TGIF1: variants seen among roughly 807,000 people sequenced by gnomAD.
The protein encoded by TGIF1 is TGFB induced factor homeobox 1.
TGIF1 carries 4 observed loss-of-function variants against 19.3 expected under a neutral mutation model. The observed-to-expected ratio is 0.21, with a 90% CI of 0.10 to 0.47. TGIF1 has a LOEUF of 0.47. Among genes scored for constraint, TGIF1 ranks in the 20% least tolerant of loss-of-function variants. The pLI, the probability that TGIF1 is intolerant of heterozygous loss-of-function variation, is 0.98. For missense variants in TGIF1, 275 were observed against 341.4 expected (o/e 0.81, Z 1.53); for synonymous variants, 122 against 129.3 (o/e 0.94, Z 0.38).
chr18:3,439,072 C>T (rs1023520196), intron 2 of TGIF1, among the ~76,000 whole-genome samples: 5 of 152,146 alleles, frequency 3.3e-5, no homozygotes, highest in Non-Finnish European at 5.9e-5. Flanking sequence ...GGATCATTCA[C>T]TATGAGAGCT....
At chr18:3,421,458 G>A (rs2082396290) in intron 2 of TGIF1, among the ~76,000 whole-genome samples, 1 of 150,430 alleles carries the variant, frequency 6.6e-6, no homozygotes. Context: ...GTTGCCCCAA[G>A]CTGGAGTGCA....
At chr18:3,425,853 G>A (rs1489119840) in intron 2 of TGIF1, among the ~76,000 whole-genome samples, 1 of 152,132 alleles carries the variant, frequency 6.6e-6, no homozygotes, top group Non-Finnish European at 1.5e-5. Context: ...GCCTGTGCGG[G>A]AAGAACCCAT....
In TGIF1 at chr18:3,450,480, G is replaced by A. The variant is rs778463772; in HGVS notation, c.-10G>A. 1 of 1,560,002 alleles carries A rather than the reference G, an allele frequency of 6.4e-7. No homozygotes were observed. Among genetic ancestry groups the A allele is most frequent in the Admixed American group, 1.9e-5 (1 of 52,086 alleles). ...CCCGCCTTGCCTCGCGCTGGGAGGG[G>A]AGATCCAGAATGAAAGGCAAGAAAG... On this transcript the variant is annotated 5_prime_UTR_variant, in exon 1 of 3. Coordinates refer to ENST00000343820, the MANE Select transcript of TGIF1 (RefSeq NM_003244.4).
At chr18:3,415,361 G>A (rs1437577429) in intron 1 of TGIF1, 2 of 411,804 alleles carry the variant, frequency 4.9e-6, no homozygotes, top group African/African-American at 2.0e-5. Context: ...AGCCTATTGC[G>A]AAATGGTCAG....
intron 2 of TGIF1, among the ~76,000 whole-genome samples, chr18:3,430,279 A>G (rs1050257268): frequency 6.6e-6 from 1 of 152,246 alleles, no homozygotes; most frequent in African/African-American, 2.4e-5. Flanking sequence ...GGAATCAGAT[A>G]TGAGAATCCA....
chr18:3,445,453 A>G (rs1458657260), upstream of TGIF1, among the ~76,000 whole-genome samples: 1 of 152,004 alleles, frequency 6.6e-6, no homozygotes. Context: ...GGCCGGGCGT[A>G]GTGGCTCACG....
intron 2 of TGIF1, among the ~76,000 whole-genome samples, chr18:3,437,573 G>A (rs1416805502): frequency 1.3e-5 from 2 of 152,164 alleles, no homozygotes; most frequent in Non-Finnish European, 2.9e-5. Context: ...TTATATTAGA[G>A]AGAAAGCTTT....
At chr18:3,420,051 C>A (rs568646655) in intron 2 of TGIF1, among the ~76,000 whole-genome samples, 15 of 151,794 alleles carry the variant, frequency 9.9e-5, no homozygotes, top group African/African-American at 3.6e-4. Context: ...CTGATTTAAA[C>A]ACGGGTTTGT....
At chr18:3,414,102 C>G (rs1260160608) in intron 1 of TGIF1, among the ~76,000 whole-genome samples, 1 of 152,208 alleles carries the variant, frequency 6.6e-6, no homozygotes, top group Non-Finnish European at 1.5e-5. Flanking sequence ...ACAATCGTAT[C>G]ATTTATACAA....
chr18:3,425,709 A>T (rs2143160840), intron 2 of TGIF1, among the ~76,000 whole-genome samples: 1 of 152,046 alleles, frequency 6.6e-6, no homozygotes, highest in East Asian at 1.9e-4. Flanking sequence ...TGCCTACCAA[A>T]CTATCCTTGA....
At chr18:3,443,779 C>T (rs1020130394) in intron 2 of TGIF1, among the ~76,000 whole-genome samples, 7 of 151,820 alleles carry the variant, frequency 4.6e-5, no homozygotes, top group South Asian at 2.1e-4. Flanking sequence ...ATGATCTGCC[C>T]GCCTTGGCCT....
At chr18:3,425,316 GT>G (rs1377200851) in intron 2 of TGIF1, among the ~76,000 whole-genome samples, 2 of 152,232 alleles carry the variant, frequency 1.3e-5, no homozygotes, top group African/African-American at 4.8e-5. Context: ...TTAGTTTATA[GT>G]TTACGTGATG....
At chr18:3,439,531 T>C (rs7235841) in intron 2 of TGIF1, among the ~76,000 whole-genome samples, 99,768 of 151,724 alleles carry the variant, frequency 0.66, 33,417 homozygotes, top group East Asian at 0.9. Flanking sequence ...TTAGTAGAGA[T>C]GGGATTTCTC....
At position 3,456,509 on chromosome 18, in the gene TGIF1, C is replaced by T. The variant is rs749217690; in HGVS notation, c.172C>T (p.Arg58Cys). The T allele has an allele frequency of 1.2e-6, 2 of 1,614,222 alleles. No homozygotes were observed. The highest frequency in any genetic ancestry group is 1.7e-6 in the Non-Finnish European group (2 of 1,180,048). Residue 58 changes from arginine to cysteine, a missense_variant, in exon 2 of 3, where the codon CGT becomes TGT. Physicochemically the swap from Arg to Cys is radical, Grantham distance 180. Coordinates refer to ENST00000343820, the MANE Select transcript of TGIF1 (RefSeq NM_003244.4). This position sits in a 1 kb window ranked among gnomAD's most constrained non-coding sequence, Gnocchi z 4.2. Reference sequence around the variant, plus strand: ...TCTTCGGGATTGGCTGTATGAGCACCGTTACAATGCCTATCCTTCAGAGCA... The same window carrying T: ...TCTTCGGGATTGGCTGTATGAGCACTGTTACAATGCCTATCCTTCAGAGCA... ...QILRDWLYEH[R>C]YNAYPSEQEK...
At chr18:3,448,443 G>A (rs1038011931), upstream of TGIF1, 45 of 993,090 alleles carry the variant, frequency 4.5e-5, no homozygotes, top group Non-Finnish European at 5.3e-5. Flanking sequence ...TTCATCTGCA[G>A]CCAGGTCCGG....
chr18:3,452,462 C>T, intron 1 of TGIF1: 2 of 1,596,722 alleles, frequency 1.3e-6, no homozygotes, highest in Admixed American at 3.5e-5. Flanking sequence ...ACCCGGGTTT[C>T]TTTCCCCTTT....
At chr18:3,421,587 T>G (rs1289065908) in intron 2 of TGIF1, among the ~76,000 whole-genome samples, 1 of 151,594 alleles carries the variant, frequency 6.6e-6, no homozygotes, top group African/African-American at 2.4e-5. Context: ...TAATTTTGTA[T>G]TTTTAGTAGA....
chr18:3,448,074 G>A (rs190957023), upstream of TGIF1: 9 of 953,462 alleles, frequency 9.4e-6, no homozygotes, highest in Middle Eastern at 5.4e-4. Flanking sequence ...TAAAGCGGGC[G>A]GGGGGGGAGG....
intron 2 of TGIF1, among the ~76,000 whole-genome samples, chr18:3,420,588 C>T (rs1172234579): frequency 2.0e-5 from 3 of 152,134 alleles, no homozygotes; most frequent in Non-Finnish European, 2.9e-5. Flanking sequence ...AATAACATCA[C>T]CCAACTATAC....
Sources: allele counts gnomAD v4.1 joint callset (sites outside exome capture counted in the v4.1 genomes callset), GRCh38; gene constraint gnomAD v4.1.1; non-coding constraint Gnocchi (gnomAD v3.1); transcripts MANE v1.5; gene names NCBI Gene and HGNC (gene_info 2026-07-23, HGNC 2026-07-21).